Variants in USP31 observed in about 807,000 individuals in gnomAD.
USP31 encodes the protein ubiquitin carboxyl-terminal hydrolase 31.
A neutral mutation model predicts 119.4 loss-of-function variants in USP31; 44 were observed. The ratio of observed to expected loss-of-function variants is 0.37; its 90% CI spans 0.29 to 0.47. The LOEUF (loss-of-function observed/expected upper bound fraction) is 0.47, where lower values mean the gene tolerates loss of function less well. Ranked by LOEUF, USP31 falls within the 20% of genes least tolerant of loss-of-function variation. The pLI is 0.99. For synonymous variants in USP31, 749 were observed against 705.6 expected (o/e 1.06, Z -0.97); for missense variants, 1,643 against 1,730.2 (o/e 0.95, Z 0.89).
At chr16:23,127,245 T>C (rs902813900) in intron 1 of USP31, among the ~76,000 whole-genome samples, 2 of 151,864 alleles carry the variant, frequency 1.3e-5, no homozygotes, top group African/African-American at 2.4e-5. Context: ...CTGGGCAACA[T>C]AGTGAAACAG....
intron 1 of USP31, among the ~76,000 whole-genome samples, chr16:23,124,451 G>A (rs983092805): frequency 6.6e-6 from 1 of 152,162 alleles, no homozygotes; most frequent in African/African-American, 2.4e-5. Flanking sequence ...GTTATTCAAC[G>A]ACGATACAAT....
intron 6 of USP31, among the ~76,000 whole-genome samples, chr16:23,100,768 C>T (rs988108441): frequency 6.6e-6 from 1 of 152,042 alleles, no homozygotes; most frequent in African/African-American, 2.4e-5. Context: ...GAGAGAAAGT[C>T]GAATAATGAG....
chr16:23,082,886 A>G (rs1263927103), intron 11 of USP31, among the ~76,000 whole-genome samples: 1 of 139,612 alleles, frequency 7.2e-6, no homozygotes, highest in Non-Finnish European at 1.5e-5. Flanking sequence ...GCTGGAGTAC[A>G]GTGGTGTGAT....
chr16:23,146,348 G>A (rs1037771032), intron 1 of USP31, among the ~76,000 whole-genome samples: 1 of 151,874 alleles, frequency 6.6e-6, no homozygotes, highest in East Asian at 1.9e-4. Context: ...CTCAGCACTT[G>A]GGGAGGCCGA....
chr16:23,134,217 A>G lies in USP31; in HGVS notation c.633+14421T>C, dbSNP rs563805241. 3.3e-5 allele frequency among the ~76,000 whole-genome samples: 5 copies of G among 152,336 alleles called. No homozygotes were observed. The South Asian group carries it at 1.0e-3, about 32-fold the overall frequency. On this transcript the variant is annotated intron_variant, in intron 1 of 15. Coordinates refer to ENST00000219689, the MANE Select transcript of USP31 (RefSeq NM_020718.4). ...GCATGAGAAAGAAGAATAAGCAACA[A>G]TAACACTAAACAGCACCAGTAAAAG...
intron 1 of USP31, among the ~76,000 whole-genome samples, chr16:23,119,878 C>A (rs184885283): frequency 1.3e-5 from 2 of 152,304 alleles, no homozygotes; most frequent in East Asian, 3.9e-4. Context: ...ATCTGTCTTT[C>A]ATCAGTAATG....
At chr16:23,121,834 AG>A (rs1902679069) in intron 1 of USP31, among the ~76,000 whole-genome samples, 1 of 152,248 alleles carries the variant, frequency 6.6e-6, no homozygotes, top group African/African-American at 2.4e-5. Flanking sequence ...CCTTTGAAAT[AG>A]GTAACTACTG....
chr16:23,127,955 G>C lies in USP31; in HGVS notation c.634-19772C>G, dbSNP rs545243829. ...TCAAATACTAACATTGTTGGTGGCA[G>C]TACTGGGATTATTATTCTGAGACTT... On this transcript the variant is annotated intron_variant, in intron 1 of 15. Transcript: ENST00000219689. Among the ~76,000 whole-genome samples, 8 of 152,266 alleles carry C rather than the reference G, an allele frequency of 5.3e-5. No individual in the cohort carries two copies. The South Asian group carries it at 1.5e-3, about 28-fold the overall frequency.
chr16:23,117,404 T>C (rs1335052644), intron 1 of USP31, among the ~76,000 whole-genome samples: 2 of 152,194 alleles, frequency 1.3e-5, no homozygotes, highest in Non-Finnish European at 2.9e-5. Context: ...TATGCATTCC[T>C]CACCCAAAAG....
intron 1 of USP31, among the ~76,000 whole-genome samples, chr16:23,125,695 A>G (rs1902831074): frequency 6.6e-6 from 1 of 152,230 alleles, no homozygotes; most frequent in African/African-American, 2.4e-5. Context: ...TAAAATGAGG[A>G]AGATTTACCA....
At chr16:23,074,172 G>T (rs1412361820) in intron 13 of USP31, among the ~76,000 whole-genome samples, 1 of 152,132 alleles carries the variant, frequency 6.6e-6, no homozygotes, top group African/African-American at 2.4e-5. Context: ...GTGGCGGGGG[G>T]AGTGGGATTT....
chr16:23,138,307 T>A (rs1052370010), intron 1 of USP31, among the ~76,000 whole-genome samples: 1 of 152,138 alleles, frequency 6.6e-6, no homozygotes, highest in Admixed American at 6.5e-5. Flanking sequence ...AAATAAAACA[T>A]GTCTAAAATA....
chr16:23,072,389 G>T (rs773129025), intron 14 of USP31, 192 bp from the exon 15 acceptor site: 2 of 718,538 alleles, frequency 2.8e-6, no homozygotes, highest in Non-Finnish European at 2.3e-6. Flanking sequence ...ATGAAAAGAT[G>T]TAAGGCAGAC....
chr16:23,127,823 T>G (rs1902913132), intron 1 of USP31, among the ~76,000 whole-genome samples: 2 of 152,152 alleles, frequency 1.3e-5, no homozygotes, highest in East Asian at 3.9e-4. Context: ...CAAAACCACA[T>G]AGAGAACTAT....
At position 23,072,147 on chromosome 16, in the gene USP31, TG is replaced by T; in HGVS notation, c.2385del (p.Ser796AlafsTer6). The T allele has an allele frequency of 1.2e-6, 2 of 1,611,864 alleles. No homozygotes were observed. Among genetic ancestry groups the T allele is most frequent in the Non-Finnish European group, 1.7e-6 (2 of 1,180,018 alleles). ...GCAGAGGTCACGCTGGCTGGCTTGC[TG>T]CCCGGGAGCCGGCTCACCCAGTGTT... ...LCEHWVSRLP[G>X]SKPASVTSAA... On this transcript the variant is annotated frameshift_variant, in exon 15 of 16. Transcript: ENST00000219689. LOFTEE classifies it high-confidence loss of function.
Position 23,148,637 on chromosome 16 carries a change from C to G in USP31, c.633+1G>C. 6.8e-7 allele frequency: 1 copy of G among 1,474,272 alleles called. No individual in the cohort carries two copies. Among genetic ancestry groups the G allele is most frequent in the Non-Finnish European group, 8.9e-7 (1 of 1,119,102 alleles). The allele number at this position is 1,474,272 out of a possible 1,614,324, so 91.3% of individuals were successfully genotyped here. On this transcript the variant is annotated splice_donor_variant, in intron 1 of 15. Transcript: ENST00000219689. LOFTEE classifies it high-confidence loss of function. ...GGGGGCGCGGCGGCGCGCGGGCTCA[C>G]CTTGAAGTCGCGGCTGTGCTGCGGG...
Position 23,064,773 on chromosome 16 carries a change from A to G in USP31, c.*3273T>C, listed in dbSNP as rs1412894249. 1 of 152,178 alleles carries G rather than the reference A, an allele frequency of 6.6e-6. No individual in the cohort carries two copies. Among genetic ancestry groups the G allele is most frequent in the African/African-American group, 2.4e-5 (1 of 41,422 alleles). 9.4% of individuals were successfully genotyped at this position (152,178 alleles called of 1,614,324 possible). A position where few individuals can be genotyped will look rare whatever the true frequency, so the allele number is the denominator to read the frequency against. ...CTCCTCAGCTACAGCAAATCCCTGA[A>G]GCTTTCAGTTTTGCCTCTGTGCTCA... On this transcript the variant is annotated 3_prime_UTR_variant, in exon 16 of 16. Transcript: ENST00000219689.
intron 9 of USP31, among the ~76,000 whole-genome samples, 162 bp from the exon 10 acceptor site, chr16:23,085,824 T>C (rs933283212): frequency 6.6e-6 from 1 of 152,234 alleles, no homozygotes; most frequent in Non-Finnish European, 1.5e-5. Context: ...AAGACCACTA[T>C]AACCACTGAT....
chr16:23,108,035 T>C lies in USP31; in HGVS notation c.771+11A>G, dbSNP rs760938043. The stretch of plus-strand genomic sequence containing the variant: ...GCTGGCTGACTGCCCTAGGGCAGCA[T>C]GCGTCCTTACCTTCAGAGGAGGCTG... On this transcript the variant is annotated intron_variant, in intron 2 of 15. Transcript: ENST00000219689. 15 of 1,609,594 alleles carry C rather than the reference T, an allele frequency of 9.3e-6. No homozygotes were observed. The highest frequency in any genetic ancestry group is 1.3e-5 in the Non-Finnish European group (15 of 1,178,134).
Sources: gnomAD v4.1 joint callset for allele counts (sites outside exome capture counted in the v4.1 genomes callset) on GRCh38, gnomAD v4.1.1 for gene constraint, MANE v1.5 for transcripts, NCBI Gene and HGNC (gene_info 2026-07-23, HGNC 2026-07-21) for gene names.